The following SLC4A5 variants were observed in gnomAD, a reference collection of about 807,000 sequenced individuals.
SLC4A5 encodes electrogenic sodium bicarbonate cotransporter 4.
A neutral mutation model predicts 120.4 loss-of-function variants in SLC4A5; 96 were observed. The observed-to-expected ratio is 0.80, with a 90% confidence interval of 0.68 to 0.94. The LOEUF is 0.94. Among genes scored for constraint, SLC4A5 ranks in the 40% least tolerant of loss-of-function variants. The pLI is 0.00. For missense variants in SLC4A5, 1,259 were observed against 1,459.5 expected (o/e 0.86, Z 2.24); for synonymous variants, 550 against 571.1 (o/e 0.96, Z 0.53).
intron 24 of SLC4A5, 29 bp from the exon 25 acceptor site, chr2:74,231,337 G>A (rs771102782): frequency 2.5e-6 from 4 of 1,599,308 alleles, no homozygotes; most frequent in African/African-American, 2.7e-5. Flanking sequence ...TGGTCAGGGT[G>A]TACCAGGAAA....
intron 8 of SLC4A5, among the ~76,000 whole-genome samples, chr2:74,265,763 G>A (rs1291843184): frequency 1.3e-5 from 2 of 152,190 alleles, no homozygotes; most frequent in Non-Finnish European, 2.9e-5. Context: ...TCCCCTGCAA[G>A]GTCTGAGGTT....
intron 5 of SLC4A5, among the ~76,000 whole-genome samples, chr2:74,316,752 T>C (rs189909043): frequency 6.4e-4 from 98 of 152,346 alleles, no homozygotes; most frequent in African/African-American, 2.1e-3. Flanking sequence ...GCAGCACATC[T>C]ACCAGCAGAT....
chr2:74,262,079 T>C (rs1035314206), intron 11 of SLC4A5, 58 bp downstream of exon 11: 83 of 1,515,720 alleles, frequency 5.5e-5, no homozygotes, highest in Non-Finnish European at 7.1e-5. Flanking sequence ...AATGTGGCCA[T>C]GTCACAGCTG....
At chr2:74,249,722 T>A (rs1338946915) in intron 17 of SLC4A5, among the ~76,000 whole-genome samples, 1 of 152,044 alleles carries the variant, frequency 6.6e-6, no homozygotes, top group African/African-American at 2.4e-5. Context: ...AACTGGGGGA[T>A]CCTGAGGGGC....
intron 7 of SLC4A5, among the ~76,000 whole-genome samples, chr2:74,292,819 C>A (rs997220396): frequency 8.5e-5 from 13 of 152,156 alleles, no homozygotes; most frequent in Non-Finnish European, 1.8e-4. Flanking sequence ...CAGCTCTGGG[C>A]AAGTCCTTTC....
intron 5 of SLC4A5, among the ~76,000 whole-genome samples, chr2:74,320,108 T>C (rs1364636486): frequency 6.6e-6 from 1 of 151,416 alleles, no homozygotes; most frequent in Non-Finnish European, 1.5e-5. Context: ...AGAACACAAA[T>C]AAAAAGAGAT....
At chr2:74,256,247 G>A (rs115491654) in intron 12 of SLC4A5, among the ~76,000 whole-genome samples, 132 of 152,240 alleles carry the variant, frequency 8.7e-4, no homozygotes, top group African/African-American at 3.0e-3. Context: ...CGGGGTTGCC[G>A]GACATCAGGC....
intron 5 of SLC4A5, among the ~76,000 whole-genome samples, chr2:74,326,451 C>G (rs1673218334): frequency 6.6e-6 from 1 of 152,194 alleles, no homozygotes; most frequent in South Asian, 2.1e-4. Flanking sequence ...TCAAAAGTCA[C>G]TTTCCATTTC....
intron 8 of SLC4A5, among the ~76,000 whole-genome samples, chr2:74,280,236 T>C (rs59646977): frequency 0.017 from 2,603 of 152,142 alleles, 76 homozygotes; most frequent in African/African-American, 0.06. Context: ...TCTTCCCCCT[T>C]CCCTACCCTC....
chr2:74,238,577 TG>T (rs768962487), intron 21 of SLC4A5, among the ~76,000 whole-genome samples: 145 of 152,282 alleles, frequency 9.5e-4, no homozygotes, highest in African/African-American at 3.3e-3. Flanking sequence ...TAGGAATATT[TG>T]ATATATGGCA....
At chr2:74,257,433 C>T (rs544191025) in intron 12 of SLC4A5, among the ~76,000 whole-genome samples, 11 of 152,100 alleles carry the variant, frequency 7.2e-5, no homozygotes, top group African/African-American at 2.7e-4. Context: ...CTGGGTGTAA[C>T]AGGGCAGCCA....
chr2:74,225,630 T>A (rs1271887487), intron 27 of SLC4A5, among the ~76,000 whole-genome samples: 1 of 152,062 alleles, frequency 6.6e-6, no homozygotes, highest in Non-Finnish European at 1.5e-5. Context: ...TTAGTGGCTC[T>A]CAAACTTGAG....
chr2:74,334,035 G>A (rs980999471), exon 4 of SLC4A5: 2 of 152,244 alleles, frequency 1.3e-5, no homozygotes, highest in African/African-American at 4.8e-5. Flanking sequence ...ACCACAGTAT[G>A]TGCAATTTTT....
chr2:74,239,390 T>C (rs1670365332), exon 21 of SLC4A5: 1 of 1,614,114 alleles, frequency 6.2e-7, no homozygotes, highest in Non-Finnish European at 8.5e-7. Context: ...GGTCATGGAG[T>C]ATGTCCCAAA....
chr2:74,255,943 A>C lies in SLC4A5; in HGVS notation c.868-11T>G, dbSNP rs1379970296. The C allele has an allele frequency of 3.1e-6, 5 of 1,612,148 alleles. No individual in the cohort carries two copies. The highest frequency in any genetic ancestry group is 4.2e-6 in the Non-Finnish European group (5 of 1,178,446). On this transcript the variant is annotated splice_polypyrimidine_tract_variant and intron_variant, in intron 12 of 30. Coordinates refer to ENST00000394019, the Ensembl canonical transcript of SLC4A5. This position sits in a 1 kb window ranked among gnomAD's most constrained non-coding sequence, Gnocchi z 4.0. ...GAATTTGTTTTTCCGCTGGACAGGG[A>C]GGGGAAACGAGATAGCCAAGGAGAC...
At chr2:74,243,077 G>A (rs775487496) in intron 19 of SLC4A5, among the ~76,000 whole-genome samples, 15 of 152,172 alleles carry the variant, frequency 9.9e-5, no homozygotes, top group African/African-American at 1.4e-4. Flanking sequence ...AAGCAGAATC[G>A]GGAACCCAAA....
At chr2:74,330,448 T>C (rs1321466570) in intron 4 of SLC4A5, among the ~76,000 whole-genome samples, 3 of 145,574 alleles carry the variant, frequency 2.1e-5, no homozygotes, top group African/African-American at 7.8e-5. Flanking sequence ...ATGTGTGGTT[T>C]AGGTGTAGGT....
intron 8 of SLC4A5, among the ~76,000 whole-genome samples, chr2:74,277,565 A>T (rs1671684275): frequency 1.3e-5 from 2 of 152,144 alleles, no homozygotes; most frequent in South Asian, 4.1e-4. Context: ...TGAAAAATAA[A>T]AAAAAAAATA....
At chr2:74,296,500 C>T (rs895281819) in intron 7 of SLC4A5, among the ~76,000 whole-genome samples, 12 of 151,436 alleles carry the variant, frequency 7.9e-5, no homozygotes, top group African/African-American at 2.9e-4. Flanking sequence ...CTGTGGCTCA[C>T]GTCTGTAATC....
Sources: gnomAD v4.1 joint callset for allele counts (sites outside exome capture counted in the v4.1 genomes callset) on GRCh38, gnomAD v4.1.1 for gene constraint, Gnocchi (gnomAD v3.1) non-coding constraint, MANE v1.5 for transcripts, NCBI Gene and HGNC (gene_info 2026-07-23, HGNC 2026-07-21) for gene names.